CACNA1G: variants seen among roughly 807,000 people sequenced by gnomAD.
CACNA1G encodes the protein calcium voltage-gated channel subunit alpha1 G.
CACNA1G carries 67 observed loss-of-function variants against 219.4 expected under a neutral mutation model. The ratio of observed to expected loss-of-function variants is 0.31; its 90% confidence interval spans 0.25 to 0.37. The LOEUF is 0.37. Among genes scored for constraint, CACNA1G ranks in the 10% least tolerant of loss-of-function variants. The pLI is 1.00. For synonymous variants in CACNA1G, 1,296 were observed against 1,345.3 expected, an observed-to-expected ratio of 0.96 and a Z score of 0.80; for missense variants, 2,380 against 3,231.4, an observed-to-expected ratio of 0.74 and a Z score of 6.39.
Position 50,619,806 on chromosome 17 carries a change from C to A in CACNA1G, c.5905C>A (p.Leu1969Met). 6.2e-7 allele frequency: 1 copy of A among 1,606,134 alleles called. No homozygotes were observed. Among genetic ancestry groups the A allele is most frequent in the Non-Finnish European group, 8.5e-7 (1 of 1,178,262 alleles). Residue 1969 changes from leucine to methionine, a missense_variant, in exon 34 of 38, where the codon CTG (leucine) becomes ATG (methionine). Physicochemically the swap from Leu to Met is conservative, Grantham distance 15 (BLOSUM62 2). This residue lies in a region of CACNA1G where 672 missense variants were observed against 670.5 expected (regional missense o/e 1.00). Coordinates refer to ENST00000359106, the MANE Select transcript of CACNA1G (RefSeq NM_018896.5). ...QPSAFPSAPS[L>M]GGSDPQIPLA... ...CTCTGCCTTCCCTTCTGCCCCCAGC[C>A]TGGGAGGCTCCGACCCACAGGTTAC...
chr17:50,609,850 C>T, intron 25 of CACNA1G, 32 bp from the exon 26 acceptor site: 1 of 1,605,646 alleles, frequency 6.2e-7, no homozygotes, highest in African/African-American at 1.3e-5. Flanking sequence ...CCTGGTCCGG[C>T]CAGTGACCAA....
intron 25 of CACNA1G, 78 bp downstream of exon 25, chr17:50,608,097 A>AG: frequency 7.3e-7 from 1 of 1,374,950 alleles, no homozygotes; most frequent in Non-Finnish European, 1.0e-6. Context: ...TTGCGACTGC[A>AG]GGGGGCTGGG....
chr17:50,575,169 T>C (rs1255360842), intron 7 of CACNA1G, among the ~76,000 whole-genome samples: 2 of 152,206 alleles, frequency 1.3e-5, no homozygotes, highest in Non-Finnish European at 2.9e-5. Context: ...TAATGGAAAT[T>C]GCGGAAGGGG....
In CACNA1G at chr17:50,590,600, G is replaced by A. The variant is rs868843502; in HGVS notation, c.2431G>A (p.Asp811Asn). The change falls in exon 10 of 38, where the codon GAT becomes AAT. Residue 811 changes from aspartate to asparagine, a missense_variant. Transcript: ENST00000359106. ...CATCAAGAATCCCTACAACATCTTC[G>A]ATGGTGTCATTGTGGTCATCAGGTA... ...GYIKNPYNIFDGVIVVISVWE... is the reference protein window; with the variant it reads ...GYIKNPYNIFNGVIVVISVWE... 1 of 1,613,860 alleles carries A rather than the reference G, an allele frequency of 6.2e-7. No homozygotes were observed. Among genetic ancestry groups the A allele is most frequent in the Non-Finnish European group, 8.5e-7 (1 of 1,179,846 alleles).
Position 50,560,815 on chromosome 17 carries a change from C to T in CACNA1G, c.-645C>T, listed in dbSNP as rs2035399536. On this transcript the variant is annotated 5_prime_UTR_variant, in exon 1 of 38. Transcript: ENST00000359106. Reference sequence around the variant, plus strand: ...CGACAGCTACGGCAGCGGCAGCCACCGCGGCGGCTGCGGCGGCGGCATCTC... The same window carrying T: ...CGACAGCTACGGCAGCGGCAGCCACTGCGGCGGCTGCGGCGGCGGCATCTC... Among the ~76,000 whole-genome samples the T allele has an allele frequency of 1.3e-5, 2 of 151,930 alleles. No individual in the cohort carries two copies. Among genetic ancestry groups the T allele is most frequent in the African/African-American group, 4.8e-5 (2 of 41,420 alleles).
chr17:50,596,939 G>T lies in CACNA1G; in HGVS notation c.3258+16G>T. On this transcript the variant is annotated intron_variant, in intron 16 of 37. Coordinates refer to ENST00000359106, the MANE Select transcript of CACNA1G (RefSeq NM_018896.5). The surrounding 1 kb of genome is among the most constrained non-coding windows in gnomAD (Gnocchi z 4.8). ...GAAGTCACCGGTAGGGGGTGCATGT[G>T]GGTACCCTGATGGTGGGAGATATTC... The T allele has an allele frequency of 6.6e-7, 1 of 1,520,618 alleles. No homozygotes were observed. Among genetic ancestry groups the T allele is most frequent in the Non-Finnish European group, 8.8e-7 (1 of 1,131,966 alleles). The allele number at this position is 1,520,618 out of a possible 1,614,324, so 94.2% of individuals were successfully genotyped here. A position where few individuals can be genotyped will look rare whatever the true frequency, so the allele number is the denominator to read the frequency against.
intron 13 of CACNA1G, among the ~76,000 whole-genome samples, chr17:50,593,340 C>T (rs2044750431): frequency 1.3e-5 from 2 of 152,234 alleles, no homozygotes; most frequent in Admixed American, 6.5e-5. Flanking sequence ...AAGGCAGCTC[C>T]TGCCAGCCAC....
chr17:50,591,795 C>A lies in CACNA1G; in HGVS notation c.2696C>A (p.Thr899Asn). Reference protein sequence around the residue: ...CKFASERDGDTLPDRKNFDSL... With the variant: ...CKFASERDGDNLPDRKNFDSL... The stretch of plus-strand genomic sequence containing the variant: ...TTTGCCTCTGAGCGGGATGGGGACA[C>A]CCTGCCAGACCGGAAGAATTTTGAC... The change falls in exon 12 of 38, where the codon ACC becomes AAC. Residue 899 changes from threonine to asparagine, a missense_variant. Coordinates refer to ENST00000359106, the MANE Select transcript of CACNA1G (RefSeq NM_018896.5). 2 of 1,613,966 alleles carry A rather than the reference C, an allele frequency of 1.2e-6. No homozygotes were observed. The highest frequency in any genetic ancestry group is 1.7e-6 in the Non-Finnish European group (2 of 1,179,872).
rs781604233 is a variant in CACNA1G at position 50,617,430 on chromosome 17, C to A, written c.5022-8C>A. Reference sequence around the variant, plus strand: ...CCAACTCAGGGAGCTGTATTCTGGGCTTTCCAGGTGGAACCAGCTGGACCT... The same window carrying A: ...CCAACTCAGGGAGCTGTATTCTGGGATTTCCAGGTGGAACCAGCTGGACCT... On this transcript the variant is annotated splice_region_variant and splice_polypyrimidine_tract_variant and intron_variant, in intron 28 of 37. Transcript: ENST00000359106. The surrounding 1 kb of genome is among the most constrained non-coding windows in gnomAD (Gnocchi z 5.8). 2.5e-6 allele frequency: 4 copies of A among 1,611,314 alleles called. No individual in the cohort carries two copies. In the East Asian group the frequency reaches 8.9e-5, roughly 36 times the overall value.
At chr17:50,580,020 C>T (rs891357354) in intron 9 of CACNA1G, among the ~76,000 whole-genome samples, 1 of 152,128 alleles carries the variant, frequency 6.6e-6, no homozygotes, top group Non-Finnish European at 1.5e-5. Flanking sequence ...CTCGACCTGG[C>T]CAGGTGCACC....
chr17:50,574,433 G>A (rs1424067621), intron 7 of CACNA1G, among the ~76,000 whole-genome samples: 1 of 152,226 alleles, frequency 6.6e-6, no homozygotes, highest in Non-Finnish European at 1.5e-5. Flanking sequence ...TTCTGCCTGC[G>A]TAACTTCCCC....
Position 50,600,649 on chromosome 17 carries a change from C to A in CACNA1G, c.3691-77C>A. Reference sequence around the variant, plus strand: ...GAGAGGGTAGACAAGGAGTGAGGCTCGTGACTCTGCTGAGGAGCCAGGAGC... The same window carrying A: ...GAGAGGGTAGACAAGGAGTGAGGCTAGTGACTCTGCTGAGGAGCCAGGAGC... On this transcript the variant is annotated intron_variant, in intron 17 of 37. Transcript: ENST00000359106. The surrounding 1 kb of genome is among the most constrained non-coding windows in gnomAD (Gnocchi z 4.1). 8.0e-7 allele frequency: 1 copy of A among 1,246,280 alleles called. No homozygotes were observed. Among genetic ancestry groups the A allele is most frequent in the African/African-American group, 1.5e-5 (1 of 68,122 alleles). The allele number at this position is 1,246,280 out of a possible 1,614,324, so 77.2% of individuals were successfully genotyped here.
At position 50,616,504 on chromosome 17, in the gene CACNA1G, C is replaced by A. The variant is rs543065046; in HGVS notation, c.5021+120C>A. ...TTTTCTTAATTCCTGAGGTTCAGCC[C>A]CCACCCTGTGGCTGACGTAGGGGAC... On this transcript the variant is annotated intron_variant, in intron 28 of 37. Transcript: ENST00000359106. 11 of 610,588 alleles carry A rather than the reference C, an allele frequency of 1.8e-5. No homozygotes were observed. The East Asian group carries it at 3.2e-4, about 18-fold the overall frequency. The allele number at this position is 610,588 out of a possible 1,614,324, so 37.8% of individuals were successfully genotyped here. A position where few individuals can be genotyped will look rare whatever the true frequency, so the allele number is the denominator to read the frequency against.
chr17:50,615,152 A>C (rs1376942677), intron 26 of CACNA1G, among the ~76,000 whole-genome samples: 2 of 152,132 alleles, frequency 1.3e-5, no homozygotes, highest in African/African-American at 4.8e-5. Context: ...TCCTGCCCTC[A>C]ACTGCAGCCA....
intron 26 of CACNA1G, among the ~76,000 whole-genome samples, chr17:50,611,168 C>T (rs192178556): frequency 4.0e-5 from 6 of 151,180 alleles, no homozygotes; most frequent in African/African-American, 1.5e-4. Flanking sequence ...GCAGGAGAAT[C>T]GCTTCAACCC....
At chr17:50,601,010 C>T (rs1406902239) in intron 18 of CACNA1G, 41 bp from the exon 19 acceptor site, 2 of 1,605,570 alleles carry the variant, frequency 1.2e-6, no homozygotes, top group East Asian at 4.5e-5. Context: ...TGCCACCTGC[C>T]CTGCCTCCCC....
rs754427344 is a variant in CACNA1G at position 50,575,783 on chromosome 17, C to G, written c.1381C>G (p.Arg461Gly). The G allele has an allele frequency of 1.3e-6, 2 of 1,554,660 alleles. No individual in the cohort carries two copies. The highest frequency in any genetic ancestry group is 1.2e-5 in the South Asian group (1 of 84,426). ...LAQVSRAAGVRVGLLSSPAPL... is the reference protein window; with the variant it reads ...LAQVSRAAGVGVGLLSSPAPL... ...TCAGGTCTCTCGGGCAGCAGGTGTG[C>G]GGGTTGGGCTGCTCAGCAGCCCAGC... Residue 461 changes from arginine (R) to glycine (G), a missense_variant, in exon 8 of 38, where the codon CGG becomes GGG. Around this residue, in one of 17 missense-constraint regions of CACNA1G, gnomAD observed 434 missense variants for 417.3 expected, o/e 1.04. Coordinates refer to ENST00000359106, the MANE Select transcript of CACNA1G (RefSeq NM_018896.5).
chr17:50,626,773 C>CT lies in CACNA1G; in HGVS notation c.*22_*23insT, dbSNP rs1347397268. ...CTGAGTCCTGCCCCACTTTCCCACT[C>CT]ACCTTTCTCCACTGGGTGCCAAGTC... On this transcript the variant is annotated 3_prime_UTR_variant, in exon 38 of 38. Transcript: ENST00000359106. The surrounding 1 kb of genome is among the most constrained non-coding windows in gnomAD (Gnocchi z 4.3). 1.2e-6 allele frequency: 2 copies of CT among 1,612,818 alleles called. No homozygotes were observed. Among genetic ancestry groups the CT allele is most frequent in the African/African-American group, 2.7e-5 (2 of 74,928 alleles).
Position 50,607,854 on chromosome 17 carries a change from C to A in CACNA1G, c.4540C>A (p.Leu1514Met). ...CATCATGAACCACAACCCCTGGATG[C>A]TGCTGTACTTCATCTCGTTCCTGCT... is the stretch of plus-strand genomic sequence containing the variant. ...QPIMNHNPWM[L>M]LYFISFLLIV... The change falls in exon 25 of 38, where the codon CTG (leucine) becomes ATG (methionine). Residue 1514 changes from leucine (L) to methionine (M), a missense_variant. By Grantham distance (15) the Leu-to-Met change is conservative (BLOSUM62 2). This residue lies in a region of CACNA1G where 153 missense variants were observed against 374.9 expected (regional missense o/e 0.41). Transcript: ENST00000359106. The A allele has an allele frequency of 6.2e-7, 1 of 1,613,966 alleles. No individual in the cohort carries two copies. The highest frequency in any genetic ancestry group is 8.5e-7 in the Non-Finnish European group (1 of 1,179,884).
Sources: gnomAD v4.1 joint callset for allele counts (sites outside exome capture counted in the v4.1 genomes callset) on GRCh38, gnomAD v4.1.1 for gene constraint, gnomAD v4.1.1 regional missense constraint, Gnocchi (gnomAD v3.1) non-coding constraint, MANE v1.5 for transcripts, NCBI Gene and HGNC (gene_info 2026-07-23, HGNC 2026-07-21) for gene names.